Variants in CNTNAP5 observed in about 807,000 individuals in gnomAD.
The protein encoded by CNTNAP5 is contactin-associated protein-like 5.
Under a neutral mutation model 150.2 loss-of-function variants are expected in CNTNAP5, and 72 were observed. That is an observed-to-expected ratio of 0.48 (90% CI 0.40 to 0.58). The LOEUF is 0.58. CNTNAP5 is among the 20% of genes least tolerant of loss of function. The probability of loss-of-function intolerance (pLI) is 0.00; values close to 1 mark genes in which losing one functional copy is unlikely to be tolerated. For synonymous variants in CNTNAP5, 672 were observed against 619.8 expected (o/e 1.08, Z -1.25); for missense variants, 1,636 against 1,626.2 (o/e 1.01, Z -0.10).
At chr2:124,488,777 G>A (rs899011524) in intron 7 of CNTNAP5, among the ~76,000 whole-genome samples, 2 of 152,194 alleles carry the variant, frequency 1.3e-5, no homozygotes, top group African/African-American at 4.8e-5. Context: ...AGGTGAAGAA[G>A]AATGTCTTCC....
intron 3 of CNTNAP5, among the ~76,000 whole-genome samples, chr2:124,409,975 T>A (rs1050738367): frequency 1.0e-3 from 151 of 150,278 alleles, no homozygotes; most frequent in Non-Finnish European, 1.8e-3. Context: ...TGTGCTGTAT[T>A]CAGGGAACCC....
intron 18 of CNTNAP5, among the ~76,000 whole-genome samples, chr2:124,796,561 A>G (rs1244451411): frequency 2.0e-5 from 3 of 152,240 alleles, no homozygotes; most frequent in African/African-American, 7.2e-5. Flanking sequence ...AGTAAAAATG[A>G]ACTAGTATTC....
intron 1 of CNTNAP5, among the ~76,000 whole-genome samples, chr2:124,071,403 A>G (rs2104664642): frequency 6.6e-6 from 1 of 152,046 alleles, no homozygotes; most frequent in Non-Finnish European, 1.5e-5. Flanking sequence ...AAATTAACAA[A>G]ATGAAAAGTT....
chr2:124,893,346 T>C (rs1249926492), intron 21 of CNTNAP5, among the ~76,000 whole-genome samples: 1 of 152,176 alleles, frequency 6.6e-6, no homozygotes, highest in African/African-American at 2.4e-5. Context: ...AGAAATATTA[T>C]GCAAACAGTC....
chr2:124,363,076 G>A (rs1478178817), intron 3 of CNTNAP5, among the ~76,000 whole-genome samples: 1 of 152,162 alleles, frequency 6.6e-6, no homozygotes, highest in Non-Finnish European at 1.5e-5. Flanking sequence ...TTTCACTTGT[G>A]ACAGTTGTGG....
At chr2:124,349,730 C>T (rs1689826288) in intron 3 of CNTNAP5, among the ~76,000 whole-genome samples, 1 of 152,086 alleles carries the variant, frequency 6.6e-6, no homozygotes, top group Non-Finnish European at 1.5e-5. Flanking sequence ...GATATTTTTA[C>T]TCTGAAATAG....
chr2:124,196,829 C>A (rs1558796676), intron 1 of CNTNAP5, among the ~76,000 whole-genome samples: 1 of 152,198 alleles, frequency 6.6e-6, no homozygotes, highest in Non-Finnish European at 1.5e-5. Flanking sequence ...CTCTCATCTG[C>A]ACTGTCCCCA....
intron 3 of CNTNAP5, among the ~76,000 whole-genome samples, chr2:124,408,240 CGG>C (rs1691637062): frequency 6.7e-6 from 1 of 149,360 alleles, no homozygotes; most frequent in South Asian, 2.2e-4. Context: ...CCTACGCCCA[CGG>C]AGTCTCGCTG....
chr2:124,897,705 GA>G (rs1252302630), intron 21 of CNTNAP5, among the ~76,000 whole-genome samples: 16 of 150,896 alleles, frequency 1.1e-4, no homozygotes, highest in Non-Finnish European at 8.8e-5. Context: ...TAGCATAATA[GA>G]AAAAAAAGGG....
chr2:124,343,729 C>T (rs75088954), intron 3 of CNTNAP5, among the ~76,000 whole-genome samples: 1,766 of 152,266 alleles, frequency 0.012, 28 homozygotes, highest in African/African-American at 0.04. Context: ...TCTCTCCTCT[C>T]TCTTTTGAGA....
intron 21 of CNTNAP5, among the ~76,000 whole-genome samples, chr2:124,900,849 T>C (rs1678401524): frequency 1.3e-5 from 2 of 151,674 alleles, no homozygotes; most frequent in South Asian, 4.1e-4. Flanking sequence ...TAAATATTTC[T>C]GATCTTTAAC....
rs369617270 is a variant in CNTNAP5 at position 124,698,665 on chromosome 2, C to T, written c.2078-48564C>T. On this transcript the variant is annotated intron_variant, in intron 13 of 23. Transcript: ENST00000682447. ...CTTCTATGCTTCTGCTCATCATGGT[C>T]GACACTGGCATTCCCATTGTCCAGG... 3.9e-5 allele frequency among the ~76,000 whole-genome samples: 6 copies of T among 152,154 alleles called. No individual in the cohort carries two copies. The East Asian group carries it at 7.7e-4, about 20-fold the overall frequency.
intron 13 of CNTNAP5, among the ~76,000 whole-genome samples, chr2:124,711,320 A>G (rs1167856743): frequency 6.6e-6 from 1 of 152,004 alleles, no homozygotes; most frequent in African/African-American, 2.4e-5. Context: ...TATTTCTCCT[A>G]TAAAACTCAT....
intron 1 of CNTNAP5, among the ~76,000 whole-genome samples, chr2:124,049,398 CT>C (rs934060185): frequency 6.6e-6 from 1 of 152,154 alleles, no homozygotes; most frequent in African/African-American, 2.4e-5. Flanking sequence ...AGATGATGTT[CT>C]TGCTAGGAAT....
intron 8 of CNTNAP5, among the ~76,000 whole-genome samples, chr2:124,510,516 TATAC>T (rs1321951935): frequency 1.1e-4 from 13 of 123,174 alleles, no homozygotes; most frequent in South Asian, 2.6e-4. Context: ...TATATATATA[TATAC>T]ATATATCTCC....
intron 6 of CNTNAP5, among the ~76,000 whole-genome samples, chr2:124,454,901 A>C (rs924698347): frequency 6.6e-6 from 1 of 152,150 alleles, no homozygotes; most frequent in African/African-American, 2.4e-5. Context: ...AAGCAGGGCT[A>C]AGAGGAAAGT....
intron 8 of CNTNAP5, among the ~76,000 whole-genome samples, chr2:124,521,695 C>T (rs1172544356): frequency 1.3e-5 from 2 of 152,204 alleles, no homozygotes; most frequent in African/African-American, 4.8e-5. Flanking sequence ...GAACTAGTTA[C>T]TAACTCCCTT....
At chr2:124,131,985 CAA>C (rs1162406390) in intron 1 of CNTNAP5, among the ~76,000 whole-genome samples, 1 of 152,114 alleles carries the variant, frequency 6.6e-6, no homozygotes, top group Non-Finnish European at 1.5e-5. Context: ...GAAAAACCAT[CAA>C]AGAGACCTAA....
chr2:124,334,549 T>C (rs146718690), intron 3 of CNTNAP5, among the ~76,000 whole-genome samples: 337 of 152,222 alleles, frequency 2.2e-3, no homozygotes, highest in African/African-American at 7.9e-3. Context: ...ATAGAGAGAT[T>C]AGAAAGACCT....
Sources: allele counts gnomAD v4.1 joint callset (sites outside exome capture counted in the v4.1 genomes callset), GRCh38; gene constraint gnomAD v4.1.1; transcripts MANE v1.5; gene names NCBI Gene and HGNC (gene_info 2026-07-23, HGNC 2026-07-21).